The following USP25 variants were observed in gnomAD, a reference collection of about 807,000 sequenced individuals.
The protein encoded by USP25 is ubiquitin specific peptidase 25.
USP25 carries 85 observed loss-of-function variants against 158.5 expected under a neutral mutation model. The observed-to-expected ratio is 0.54, with a 90% CI of 0.45 to 0.64. The LOEUF (loss-of-function observed/expected upper bound fraction) is 0.64, where lower values mean the gene tolerates loss of function less well. Ranked by LOEUF, USP25 falls within the 30% of genes least tolerant of loss-of-function variation. The pLI, the probability that USP25 is intolerant of heterozygous loss-of-function variation, is 0.00. For synonymous variants in USP25, 464 were observed against 460.4 expected (o/e 1.01, Z -0.10); for missense variants, 1,242 against 1,327.3 (o/e 0.94, Z 1.00).
chr21:15,806,460 C>A (rs1206531139), intron 7 of USP25, among the ~76,000 whole-genome samples: 1 of 144,628 alleles, frequency 6.9e-6, no homozygotes, highest in African/African-American at 2.6e-5. Context: ...TCTAGAGATT[C>A]ATGTTGATTT....
At chr21:15,794,584 C>T (rs780993691) in intron 5 of USP25, among the ~76,000 whole-genome samples, 2 of 151,472 alleles carry the variant, frequency 1.3e-5, no homozygotes, top group Non-Finnish European at 3.0e-5. Context: ...CCCCTTAGCA[C>T]CTTTCCATTT....
chr21:15,776,082 A>G (rs1034857009), intron 3 of USP25, among the ~76,000 whole-genome samples: 5 of 152,024 alleles, frequency 3.3e-5, no homozygotes, highest in Non-Finnish European at 5.9e-5. Context: ...GAGGCATTCC[A>G]TACCTTTTTA....
chr21:15,767,062 T>G (rs1193520318), intron 3 of USP25, among the ~76,000 whole-genome samples: 2 of 152,044 alleles, frequency 1.3e-5, no homozygotes, highest in Non-Finnish European at 2.9e-5. Flanking sequence ...CTCACTTAGT[T>G]AATAGGTGAT....
chr21:15,878,245 G>T, intron 25 of USP25, 58 bp from the exon 26 acceptor site: 1 of 1,556,524 alleles, frequency 6.4e-7, no homozygotes, highest in Admixed American at 1.9e-5. Context: ...AAATCATGTT[G>T]ACAATGATCG....
chr21:15,798,248 A>G (rs1160793154), intron 5 of USP25, among the ~76,000 whole-genome samples: 1 of 151,246 alleles, frequency 6.6e-6, no homozygotes, highest in African/African-American at 2.4e-5. Flanking sequence ...GAAATGTGCC[A>G]GCTATTTTTT....
intron 9 of USP25, among the ~76,000 whole-genome samples, chr21:15,815,486 A>T (rs1207755108): frequency 2.0e-5 from 3 of 152,168 alleles, no homozygotes; most frequent in Admixed American, 2.0e-4. Flanking sequence ...AGCAGCCAGG[A>T]GGGAGGCTGT....
At chr21:15,775,791 G>A (rs1212346995) in intron 3 of USP25, among the ~76,000 whole-genome samples, 2 of 124,258 alleles carry the variant, frequency 1.6e-5, no homozygotes, top group East Asian at 4.6e-4. Context: ...TCTCGTGTTA[G>A]TGCATTCTAA....
chr21:15,735,741 G>A (rs1020344293), intron 1 of USP25, among the ~76,000 whole-genome samples: 10 of 152,138 alleles, frequency 6.6e-5, no homozygotes, highest in African/African-American at 2.4e-4. Context: ...ATTAGATAGC[G>A]TTCAACTGAG....
At chr21:15,740,009 A>T (rs2031886769) in intron 1 of USP25, among the ~76,000 whole-genome samples, 1 of 151,936 alleles carries the variant, frequency 6.6e-6, no homozygotes, top group South Asian at 2.1e-4. Flanking sequence ...CTTTATTTTT[A>T]GTTTTTGGTT....
intron 1 of USP25, among the ~76,000 whole-genome samples, chr21:15,738,947 T>C (rs565158554): frequency 8.2e-4 from 125 of 152,100 alleles, no homozygotes; most frequent in Non-Finnish European, 1.5e-3. Context: ...CCCTGCTTGC[T>C]CATTTGATCA....
At chr21:15,788,924 T>C (rs971267190) in intron 4 of USP25, among the ~76,000 whole-genome samples, 1 of 152,110 alleles carries the variant, frequency 6.6e-6, no homozygotes, top group African/African-American at 2.4e-5. Context: ...ATCAAAGTTG[T>C]TACACTTTGT....
intron 16 of USP25, among the ~76,000 whole-genome samples, chr21:15,832,201 G>A (rs1244539225): frequency 6.6e-6 from 1 of 152,124 alleles, no homozygotes; most frequent in Non-Finnish European, 1.5e-5. Flanking sequence ...TGCTGTCCTG[G>A]CATCTGTCTA....
chr21:15,827,380 G>T (rs1454546156), intron 14 of USP25, among the ~76,000 whole-genome samples, 177 bp downstream of exon 14: 1 of 152,120 alleles, frequency 6.6e-6, no homozygotes, highest in Admixed American at 6.5e-5. Flanking sequence ...CTCAATATCA[G>T]GTTCACAGGG....
intron 15 of USP25, among the ~76,000 whole-genome samples, chr21:15,830,930 A>G (rs886965117): frequency 6.6e-6 from 1 of 152,166 alleles, no homozygotes; most frequent in African/African-American, 2.4e-5. Flanking sequence ...AAAAAGTCTT[A>G]TGGGAGAAAA....
At chr21:15,846,122 GTATATATA>G (rs34210530) in intron 18 of USP25, among the ~76,000 whole-genome samples, 1,281 of 55,614 alleles carry the variant, frequency 0.023, 145 homozygotes, top group African/African-American at 0.083. Context: ...GTGTGTGTGT[GTATATATA>G]TATATATATA....
chr21:15,858,746 A>G (rs1453448740), intron 20 of USP25, among the ~76,000 whole-genome samples: 1 of 151,968 alleles, frequency 6.6e-6, no homozygotes, highest in Non-Finnish European at 1.5e-5. Context: ...TAATGTCTCC[A>G]GTGTTTTAGT....
chr21:15,730,976 GTTTTTTTTTTT>G lies in USP25; in HGVS notation c.45+553_45+563del, dbSNP rs748732727. Among the ~76,000 whole-genome samples, 355 of 53,676 alleles carry G rather than the reference GTTTTTTTTTTT, an allele frequency of 6.6e-3. 12 individuals are homozygous for G. The highest frequency in any genetic ancestry group is 0.023 in the African/African-American group (337 of 14,598). The allele number at this position is 53,676 out of a possible 152,430, so 35.2% of individuals were successfully genotyped here. A position where few individuals can be genotyped will look rare whatever the true frequency, so the allele number is the denominator to read the frequency against. ...TTTCCCTTTCTTCTTCTTCTTTTCT[GTTTTTTTTTTT>G]TTTTTTTTTTTTTTCAATATAGAAA... On this transcript the variant is annotated intron_variant, in intron 1 of 25. Coordinates refer to ENST00000400183, the MANE Select transcript of USP25 (RefSeq NM_001283041.3).
intron 1 of USP25, among the ~76,000 whole-genome samples, chr21:15,752,228 C>CT (rs928046175): frequency 2.8e-4 from 41 of 146,662 alleles, no homozygotes; most frequent in African/African-American, 9.8e-4. Context: ...CCACTGCACC[C>CT]TTTTTTTTTG....
chr21:15,862,825 T>C (rs1330852983), intron 20 of USP25, among the ~76,000 whole-genome samples: 1 of 150,756 alleles, frequency 6.6e-6, no homozygotes, highest in Non-Finnish European at 1.5e-5. Context: ...TATAATCTTA[T>C]GCTGCATAGA....
Sources: gnomAD v4.1 joint callset for allele counts (sites outside exome capture counted in the v4.1 genomes callset) on GRCh38, gnomAD v4.1.1 for gene constraint, MANE v1.5 for transcripts, NCBI Gene and HGNC (gene_info 2026-07-23, HGNC 2026-07-21) for gene names.